Variants in UBTD1 observed in about 807,000 individuals in gnomAD.
UBTD1 encodes ubiquitin domain-containing protein 1.
Under a neutral mutation model 21.7 loss-of-function variants are expected in UBTD1, and 19 were observed. The observed-to-expected ratio is 0.87, with a 90% CI of 0.61 to 1.28. The LOEUF (loss-of-function observed/expected upper bound fraction) is 1.28, where lower values mean the gene tolerates loss of function less well. UBTD1 is among the 50% of genes most tolerant of loss of function. The pLI is 0.00. For missense variants in UBTD1, 282 were observed against 315.1 expected, an observed-to-expected ratio of 0.89 and a Z score of 0.80; for synonymous variants, 116 against 135.1, an observed-to-expected ratio of 0.86 and a Z score of 0.98.
At chr10:97,505,026 A>G (rs549345942) in intron 1 of UBTD1, among the ~76,000 whole-genome samples, 3 of 152,130 alleles carry the variant, frequency 2.0e-5, no homozygotes, top group East Asian at 1.9e-4. Flanking sequence ...GTGTGCACCT[A>G]TGTCAGAGTG....
At chr10:97,563,597 C>T (rs912997484) in intron 1 of UBTD1, among the ~76,000 whole-genome samples, 1 of 151,934 alleles carries the variant, frequency 6.6e-6, no homozygotes, top group East Asian at 1.9e-4. Context: ...GAGGGTACCC[C>T]GTCAGCAAAG....
chr10:97,529,456 C>G (rs1164060045), intron 1 of UBTD1, among the ~76,000 whole-genome samples: 1 of 152,256 alleles, frequency 6.6e-6, no homozygotes, highest in Non-Finnish European at 1.5e-5. Context: ...CACGCCGCTG[C>G]ACTCCAGCCT....
At chr10:97,540,446 C>T (rs994604364) in intron 1 of UBTD1, among the ~76,000 whole-genome samples, 22 of 152,194 alleles carry the variant, frequency 1.4e-4, no homozygotes, top group African/African-American at 5.1e-4. Context: ...CACCACCCAG[C>T]TGTGTGGCCT....
intron 1 of UBTD1, among the ~76,000 whole-genome samples, chr10:97,562,037 T>TGGGAGGGGGAGTCA (rs1294355788): frequency 6.6e-6 from 1 of 152,134 alleles, no homozygotes; most frequent in Non-Finnish European, 1.5e-5. Flanking sequence ...CAGGCCATGA[T>TGGGAGGGGGAGTCA]GGGAGGGGGA....
intron 1 of UBTD1, among the ~76,000 whole-genome samples, chr10:97,502,595 G>A (rs2040380793): frequency 6.6e-6 from 1 of 152,118 alleles, no homozygotes; most frequent in Non-Finnish European, 1.5e-5. Context: ...GGTTATACAA[G>A]ATCATTAGAG....
At chr10:97,547,025 G>C (rs1055026235) in intron 1 of UBTD1, among the ~76,000 whole-genome samples, 6 of 152,126 alleles carry the variant, frequency 3.9e-5, no homozygotes, top group African/African-American at 1.4e-4. Context: ...AAGTGGCTAG[G>C]GCAGAAGACT....
intron 1 of UBTD1, among the ~76,000 whole-genome samples, chr10:97,499,693 G>T (rs2040330597): frequency 6.6e-6 from 1 of 152,220 alleles, no homozygotes; most frequent in Non-Finnish European, 1.5e-5. Context: ...GAGAACAGTC[G>T]CTCCTTCCAA....
intron 1 of UBTD1, among the ~76,000 whole-genome samples, chr10:97,541,617 A>G (rs1231378014): frequency 7.2e-5 from 11 of 152,070 alleles, no homozygotes; most frequent in Non-Finnish European, 1.5e-4. Flanking sequence ...GGTGGATATT[A>G]GGATATTATT....
intron 1 of UBTD1, among the ~76,000 whole-genome samples, chr10:97,538,425 A>G (rs2040573195): frequency 6.6e-6 from 1 of 152,238 alleles, no homozygotes. Flanking sequence ...CCACAGAGTA[A>G]CAGATTACAA....
intron 1 of UBTD1, among the ~76,000 whole-genome samples, chr10:97,529,172 C>G (rs371906460): frequency 6.6e-6 from 1 of 150,532 alleles, no homozygotes; most frequent in Non-Finnish European, 1.5e-5. Context: ...GATGGGCGGC[C>G]GGGCAGAGAC....
At chr10:97,534,618 T>G (rs1384860412) in intron 1 of UBTD1, among the ~76,000 whole-genome samples, 3 of 139,178 alleles carry the variant, frequency 2.2e-5, no homozygotes, top group Non-Finnish European at 3.1e-5. Flanking sequence ...CACACCACCC[T>G]TACTCCTAAA....
At chr10:97,531,086 ACCTTGTT>A (rs1244494631) in intron 1 of UBTD1, among the ~76,000 whole-genome samples, 109 of 151,692 alleles carry the variant, frequency 7.2e-4, no homozygotes, top group African/African-American at 2.5e-3. Context: ...ACGGGGTTTC[ACCTTGTT>A]AGCCAGGATG....
rs536813985 is a variant in UBTD1, at chr10:97,502,486, C to G, written c.70+3213C>G. 2.6e-5 allele frequency among the ~76,000 whole-genome samples: 4 copies of G among 152,308 alleles called. No homozygotes were observed. In the South Asian group the frequency reaches 6.2e-4, roughly 24 times the overall value. ...ATGGGAAGAAAGCCTCAACAGGGAG[C>G]TAGGACCTGAGTTCTAGTCCTGGGC... On this transcript the variant is annotated intron_variant, in intron 1 of 2. Coordinates refer to ENST00000370664, the MANE Select transcript of UBTD1 (RefSeq NM_024954.5).
chr10:97,506,367 G>A (rs771622518), intron 1 of UBTD1, among the ~76,000 whole-genome samples: 2 of 152,238 alleles, frequency 1.3e-5, no homozygotes, highest in Admixed American at 6.5e-5. Context: ...CCCAAACTAC[G>A]TGGTTCCCAG....
intron 1 of UBTD1, among the ~76,000 whole-genome samples, chr10:97,528,402 A>C (rs2040504083): frequency 1.8e-5 from 1 of 54,164 alleles, no homozygotes. Flanking sequence ...CGGGGGGCTG[A>C]CTCCCCCACC....
At chr10:97,552,331 A>G (rs2135681202) in intron 1 of UBTD1, among the ~76,000 whole-genome samples, 2 of 151,680 alleles carry the variant, frequency 1.3e-5, no homozygotes, top group South Asian at 4.2e-4. Flanking sequence ...CTATGATCAC[A>G]TGGCCTGAGT....
chr10:97,514,547 G>A (rs962702211), intron 1 of UBTD1, among the ~76,000 whole-genome samples: 2 of 152,162 alleles, frequency 1.3e-5, no homozygotes, highest in African/African-American at 4.8e-5. Context: ...ACAGCTCCAC[G>A]TTGTTCAGGC....
chr10:97,549,231 G>A lies in UBTD1; in HGVS notation c.71-18683G>A, dbSNP rs373079756. On this transcript the variant is annotated intron_variant, in intron 1 of 2. Transcript: ENST00000370664. The stretch of plus-strand genomic sequence containing the variant: ...TCACTGTACACCTACCTCAGTGACT[G>A]GTTTTGTCCCTCCTGGACTCCCACC... 4.1e-4 allele frequency among the ~76,000 whole-genome samples: 63 copies of A among 152,282 alleles called. No individual in the cohort carries two copies. In the East Asian group the frequency reaches 9.9e-3, roughly 24 times the overall value.
At chr10:97,499,750 C>CT (rs2040332638) in intron 1 of UBTD1, among the ~76,000 whole-genome samples, 1 of 152,218 alleles carries the variant, frequency 6.6e-6, no homozygotes, top group South Asian at 2.1e-4. Context: ...GGGAATCCGA[C>CT]TTGCAAAGCA....
Sources: allele counts gnomAD v4.1 joint callset (sites outside exome capture counted in the v4.1 genomes callset), GRCh38; gene constraint gnomAD v4.1.1; transcripts MANE v1.5; gene names NCBI Gene and HGNC (gene_info 2026-07-23, HGNC 2026-07-21).